COL26A1: variants seen among roughly 807,000 people sequenced by gnomAD.
The protein encoded by COL26A1 is collagen alpha-1(XXVI) chain.
A neutral mutation model predicts 59.3 loss-of-function variants in COL26A1; 41 were observed. The ratio of observed to expected loss-of-function variants is 0.69; its 90% CI spans 0.54 to 0.90. The LOEUF is 0.90. COL26A1 is among the 40% of genes least tolerant of loss of function. The probability of loss-of-function intolerance (pLI) is 0.00; values close to 1 mark genes in which losing one functional copy is unlikely to be tolerated. For synonymous variants in COL26A1, 266 were observed against 256.0 expected, an observed-to-expected ratio of 1.04 and a Z score of -0.37; for missense variants, 612 against 602.3, an observed-to-expected ratio of 1.02 and a Z score of -0.17.
At chr7:101,378,954 C>G (rs2117024581) in intron 1 of COL26A1, among the ~76,000 whole-genome samples, 1 of 152,170 alleles carries the variant, frequency 6.6e-6, no homozygotes, top group East Asian at 1.9e-4. Context: ...CCAGGCCTGC[C>G]AAACACTCAC....
intron 2 of COL26A1, among the ~76,000 whole-genome samples, chr7:101,426,788 T>C (rs888631068): frequency 2.0e-5 from 3 of 152,058 alleles, no homozygotes; most frequent in Non-Finnish European, 4.4e-5. Flanking sequence ...AAAGTATGGG[T>C]GAGCTATGAA....
chr7:101,377,480 A>C (rs530814048), intron 1 of COL26A1, among the ~76,000 whole-genome samples: 1 of 152,204 alleles, frequency 6.6e-6, no homozygotes, highest in Non-Finnish European at 1.5e-5. Flanking sequence ...GCTGGAATGC[A>C]GTGATGTGAT....
At chr7:101,442,038 C>T (rs1793071010) in intron 2 of COL26A1, among the ~76,000 whole-genome samples, 1 of 152,148 alleles carries the variant, frequency 6.6e-6, no homozygotes, top group African/African-American at 2.4e-5. Context: ...CCCAGGGCTC[C>T]ATTGATCCCA....
chr7:101,474,681 G>T (rs1793991166), intron 3 of COL26A1, among the ~76,000 whole-genome samples: 1 of 152,172 alleles, frequency 6.6e-6, no homozygotes, highest in Non-Finnish European at 1.5e-5. Flanking sequence ...GTAGAGGGAA[G>T]AAAAGATTTC....
At chr7:101,370,507 A>G (rs1296963359) in intron 1 of COL26A1, among the ~76,000 whole-genome samples, 1 of 151,934 alleles carries the variant, frequency 6.6e-6, no homozygotes, top group East Asian at 1.9e-4. Flanking sequence ...ACTAGCTGGT[A>G]TTACAGGCAT....
chr7:101,465,037 T>TC (rs1297814369), intron 3 of COL26A1, among the ~76,000 whole-genome samples: 3 of 136,520 alleles, frequency 2.2e-5, no homozygotes, highest in Admixed American at 6.9e-5. Context: ...TTTCTTTCTT[T>TC]TTTTTTTTTT....
At chr7:101,485,716 G>A (rs78885294) in intron 3 of COL26A1, among the ~76,000 whole-genome samples, 1 of 152,156 alleles carries the variant, frequency 6.6e-6, no homozygotes, top group African/African-American at 2.4e-5. Context: ...CAGATGGACA[G>A]TTCTGGCAAA....
At chr7:101,415,588 G>C (rs1328474648) in intron 1 of COL26A1, among the ~76,000 whole-genome samples, 1 of 152,040 alleles carries the variant, frequency 6.6e-6, no homozygotes, top group African/African-American at 2.4e-5. Flanking sequence ...GTGAGAAGAG[G>C]GCTCAACTTT....
intron 1 of COL26A1, among the ~76,000 whole-genome samples, chr7:101,385,120 A>G (rs116390857): frequency 0.029 from 4,373 of 151,782 alleles, 207 homozygotes; most frequent in African/African-American, 0.099. Context: ...CACCCAGTCC[A>G]CTGACTCAAC....
chr7:101,368,543 T>C (rs6956224), intron 1 of COL26A1, among the ~76,000 whole-genome samples: 88,153 of 151,990 alleles, frequency 0.58, 27,146 homozygotes, highest in African/African-American at 0.8. Flanking sequence ...TATTTATACT[T>C]ACTTTTAACT....
chr7:101,489,935 CTTTCTT>C (rs1356653354), intron 3 of COL26A1, among the ~76,000 whole-genome samples: 1 of 51,916 alleles, frequency 1.9e-5, no homozygotes. Flanking sequence ...CTCTCTCTCT[CTTTCTT>C]TCTTTCTTTC....
chr7:101,553,174 C>T (rs1355166288), intron 10 of COL26A1, 152 bp from the exon 11 acceptor site: 8 of 640,096 alleles, frequency 1.2e-5, no homozygotes, highest in Non-Finnish European at 1.9e-5. Context: ...GTGCTCAGCC[C>T]AGGGCAGGAG....
At chr7:101,397,966 C>T (rs1383998932) in intron 1 of COL26A1, among the ~76,000 whole-genome samples, 2 of 152,186 alleles carry the variant, frequency 1.3e-5, no homozygotes, top group Admixed American at 1.3e-4. Context: ...CCCAGGTAGG[C>T]CCCCTAGAGG....
chr7:101,553,507 A>G (rs1429978984), intron 11 of COL26A1, 131 bp downstream of exon 11: 1 of 781,944 alleles, frequency 1.3e-6, no homozygotes, highest in African/African-American at 1.8e-5. Flanking sequence ...CACCGGGTGT[A>G]CAGGGCCCCT....
At chr7:101,369,907 T>C (rs10953339) in intron 1 of COL26A1, among the ~76,000 whole-genome samples, 1 of 151,554 alleles carries the variant, frequency 6.6e-6, no homozygotes, top group Admixed American at 6.6e-5. Context: ...TTGTTGCCCA[T>C]GCTGGAGTGC....
At chr7:101,384,230 G>T (rs1424509585) in intron 1 of COL26A1, among the ~76,000 whole-genome samples, 4 of 105,684 alleles carry the variant, frequency 3.8e-5, no homozygotes, top group Admixed American at 1.0e-4. Context: ...GTTCAGGCTG[G>T]TTTTTTTTTT....
intron 2 of COL26A1, among the ~76,000 whole-genome samples, chr7:101,445,689 G>A (rs1421466407): frequency 5.6e-5 from 7 of 125,066 alleles, no homozygotes; most frequent in South Asian, 2.7e-4. Context: ...CCGAGATCCC[G>A]CCACTGCACT....
At chr7:101,550,190 A>G (rs1795830549) in intron 9 of COL26A1, among the ~76,000 whole-genome samples, 1 of 152,152 alleles carries the variant, frequency 6.6e-6, no homozygotes, top group Non-Finnish European at 1.5e-5. Context: ...GCCAGGTGAG[A>G]TGGCTGACGC....
chr7:101,517,273 G>T (rs1795046730), intron 3 of COL26A1, among the ~76,000 whole-genome samples: 1 of 152,218 alleles, frequency 6.6e-6, no homozygotes, highest in Non-Finnish European at 1.5e-5. Flanking sequence ...TCCGTTGGGT[G>T]TCTAGGAACC....
Sources: gnomAD v4.1 joint callset for allele counts (sites outside exome capture counted in the v4.1 genomes callset) on GRCh38, gnomAD v4.1.1 for gene constraint, MANE v1.5 for transcripts, NCBI Gene and HGNC (gene_info 2026-07-23, HGNC 2026-07-21) for gene names.